The following SELENOI variants were observed in gnomAD, a reference collection of about 807,000 sequenced individuals.
SELENOI encodes ethanolaminephosphotransferase 1.
A neutral mutation model predicts 50.7 loss-of-function variants in SELENOI; 24 were observed. The ratio of observed to expected loss-of-function variants is 0.47; its 90% confidence interval spans 0.34 to 0.67. SELENOI has a LOEUF of 0.67. SELENOI is among the 30% of genes least tolerant of loss of function. SELENOI has a pLI of 0.01. For missense variants in SELENOI, 352 were observed against 461.4 expected (o/e 0.76, Z 2.17); for synonymous variants, 155 against 170.2 (o/e 0.91, Z 0.70).
chr2:26,393,083 C>A lies in SELENOI; in HGVS notation c.*3980C>A, dbSNP rs1039525874. The A allele has an allele frequency of 4.6e-5, 7 of 152,560 alleles. No individual in the cohort carries two copies. Among genetic ancestry groups the A allele is most frequent in the African/African-American group, 1.7e-4 (7 of 41,436 alleles). The allele number at this position is 152,560 out of a possible 1,614,324, so 9.5% of individuals were successfully genotyped here. A position where few individuals can be genotyped will look rare whatever the true frequency, so the allele number is the denominator to read the frequency against. On this transcript the variant is annotated 3_prime_UTR_variant, in exon 10 of 10. Coordinates refer to ENST00000260585, the MANE Select transcript of SELENOI (RefSeq NM_033505.4). ...AAGCTTAAGTAAATTTCTGATTTTCCTTTATTGATTATGTAACCCACGTGA... is the reference window on the plus strand; with the variant it reads ...AAGCTTAAGTAAATTTCTGATTTTCATTTATTGATTATGTAACCCACGTGA...
chr2:26,372,436 C>T (rs1026165007), intron 4 of SELENOI, among the ~76,000 whole-genome samples: 10 of 152,200 alleles, frequency 6.6e-5, no homozygotes, highest in Non-Finnish European at 8.8e-5. Flanking sequence ...TGTAAATTCT[C>T]TGAGGGCACA....
chr2:26,383,611 G>T (rs1276542393), intron 7 of SELENOI, among the ~76,000 whole-genome samples: 1 of 152,162 alleles, frequency 6.6e-6, no homozygotes, highest in Non-Finnish European at 1.5e-5. Context: ...AGGCGCGGTG[G>T]CTCACACCTG....
rs2147968781 is a variant in SELENOI, at chr2:26,395,876, A to G, written c.*6773A>G. The G allele has an allele frequency of 6.5e-6, 1 of 152,744 alleles. No individual in the cohort carries two copies. Among genetic ancestry groups the G allele is most frequent in the South Asian group, 2.1e-4 (1 of 4,830 alleles). 9.5% of individuals were successfully genotyped at this position (152,744 alleles called of 1,614,324 possible). ...ATAAAAGTAAAAGAGTAATTTTTAA[A>G]TCCTTTTAATTGTTTTCAGATTGTC... On this transcript the variant is annotated 3_prime_UTR_variant, in exon 10 of 10. Transcript: ENST00000260585.
chr2:26,393,372 G>A lies in SELENOI; in HGVS notation c.*4269G>A, dbSNP rs1678012627. The stretch of plus-strand genomic sequence containing the variant: ...TTAGTAAACAAATATGCAATAGATA[G>A]TAATCTATCTACTTTTTTTAAAGCA... On this transcript the variant is annotated 3_prime_UTR_variant, in exon 10 of 10. Coordinates refer to ENST00000260585, the MANE Select transcript of SELENOI (RefSeq NM_033505.4). 6.6e-6 allele frequency: 1 copy of A among 152,610 alleles called. No homozygotes were observed. The highest frequency in any genetic ancestry group is 2.1e-4 in the South Asian group (1 of 4,830). The allele number at this position is 152,610 out of a possible 1,614,324, so 9.5% of individuals were successfully genotyped here.
chr2:26,383,164 G>A (rs965840171), intron 6 of SELENOI, 135 bp from the exon 7 acceptor site: 4 of 539,790 alleles, frequency 7.4e-6, no homozygotes, highest in East Asian at 3.3e-5. Flanking sequence ...GTTTATAAAT[G>A]TATTTAATTT....
Position 26,385,079 on chromosome 2 carries a change from T to C in SELENOI, c.852T>C (p.Ile284=). The change falls in exon 8 of 10, where the codon ATT becomes ATC. Residue 284 remains isoleucine (I), a synonymous_variant. Transcript: ENST00000260585. Reference sequence around the variant, plus strand: ...GGATCCTTTGGTCACCTTCAGATATTTTAGAGCTACATCCTAGAGTATTCT... The same window carrying C: ...GGATCCTTTGGTCACCTTCAGATATCTTAGAGCTACATCCTAGAGTATTCT... ...TAWILWSPSD[I]LELHPRVFYF... The C allele has an allele frequency of 6.2e-7, 1 of 1,612,808 alleles. No individual in the cohort carries two copies. Among genetic ancestry groups the C allele is most frequent in the Non-Finnish European group, 8.5e-7 (1 of 1,179,304 alleles).
chr2:26,371,884 G>GGGGAGA lies in SELENOI; in HGVS notation c.311-1459_311-1454dup, dbSNP rs777717594. 1.6e-3 allele frequency among the ~76,000 whole-genome samples: 235 copies of GGGGAGA among 150,952 alleles called. 3 individuals are homozygous for GGGGAGA. The highest frequency in any genetic ancestry group is 4.0e-3 in the Admixed American group (61 of 15,232). On this transcript the variant is annotated intron_variant, in intron 4 of 9. Transcript: ENST00000260585. ...GAAACCATGGGGAGAGGGAGACCATGGGGAGAGGGAGAGGGAGAGGGAGAG... is the reference window on the plus strand; with the variant it reads ...GAAACCATGGGGAGAGGGAGACCATGGGGAGAGGGAGAGGGAGAGGGAGAGGGAGAG...
At chr2:26,349,875 A>T (rs1676917063) in intron 1 of SELENOI, among the ~76,000 whole-genome samples, 1 of 126,792 alleles carries the variant, frequency 7.9e-6, no homozygotes, top group South Asian at 2.6e-4. Flanking sequence ...CCGGAGGCTG[A>T]GGTGGGAGGA....
At chr2:26,380,014 G>A (rs542213171) in intron 6 of SELENOI, among the ~76,000 whole-genome samples, 80 of 152,270 alleles carry the variant, frequency 5.3e-4, no homozygotes, top group African/African-American at 1.8e-3. Flanking sequence ...ATCCCACTAG[G>A]TGTGTCCCGT....
intron 9 of SELENOI, among the ~76,000 whole-genome samples, chr2:26,387,662 C>G (rs1677874301): frequency 7.1e-6 from 1 of 141,618 alleles, no homozygotes; most frequent in South Asian, 2.2e-4. Flanking sequence ...TGCCACTGTG[C>G]TCCAGCCTGA....
Position 26,390,670 on chromosome 2 carries a change from A to G in SELENOI, c.*1567A>G, listed in dbSNP as rs996089245. 6.6e-6 allele frequency: 1 copy of G among 152,244 alleles called. No homozygotes were observed. Among genetic ancestry groups the G allele is most frequent in the African/African-American group, 2.4e-5 (1 of 41,448 alleles). 9.4% of individuals were successfully genotyped at this position (152,244 alleles called of 1,614,324 possible). On this transcript the variant is annotated 3_prime_UTR_variant, in exon 10 of 10. Coordinates refer to ENST00000260585, the MANE Select transcript of SELENOI (RefSeq NM_033505.4). The stretch of plus-strand genomic sequence containing the variant: ...TTCTATACTCATTTTAAGAAATTGT[A>G]AAGGTTGAGGTGTATTTGGTGACTT...
intron 4 of SELENOI, among the ~76,000 whole-genome samples, chr2:26,368,874 T>C (rs978812050): frequency 1.3e-5 from 2 of 152,210 alleles, no homozygotes; most frequent in Non-Finnish European, 2.9e-5. Flanking sequence ...GGGCAAAAAC[T>C]TTCCCAACCC....
At chr2:26,365,264 T>C (rs1024635346) in intron 3 of SELENOI, among the ~76,000 whole-genome samples, 2 of 152,244 alleles carry the variant, frequency 1.3e-5, no homozygotes, top group African/African-American at 2.4e-5. Flanking sequence ...CCCTTTCTTC[T>C]GAAGGACATG....
chr2:26,350,422 G>A (rs1356990882), intron 1 of SELENOI, among the ~76,000 whole-genome samples: 5 of 151,634 alleles, frequency 3.3e-5, no homozygotes, highest in African/African-American at 1.2e-4. Flanking sequence ...GCAGTGGTGC[G>A]ATCATAGCTT....
intron 1 of SELENOI, among the ~76,000 whole-genome samples, chr2:26,355,137 T>G (rs1461188790): frequency 6.6e-6 from 1 of 152,210 alleles, no homozygotes; most frequent in Admixed American, 6.5e-5. Flanking sequence ...GTATAAGTGC[T>G]GAGTAAATAA....
Position 26,392,769 on chromosome 2 carries a change from C to A in SELENOI, c.*3666C>A, listed in dbSNP as rs1677999198. 6.6e-6 allele frequency: 1 copy of A among 152,220 alleles called. No homozygotes were observed. Among genetic ancestry groups the A allele is most frequent in the Non-Finnish European group, 1.5e-5 (1 of 68,032 alleles). The allele number at this position is 152,220 out of a possible 1,614,324, so 9.4% of individuals were successfully genotyped here. A position where few individuals can be genotyped will look rare whatever the true frequency, so the allele number is the denominator to read the frequency against. On this transcript the variant is annotated 3_prime_UTR_variant, in exon 10 of 10. Coordinates refer to ENST00000260585, the MANE Select transcript of SELENOI (RefSeq NM_033505.4). Reference sequence around the variant, plus strand: ...ATGCCTGTGTTCAGAGTGGCCTTATCTTGACCTCAGTTCTGGATTTAAGTA... The same window carrying A: ...ATGCCTGTGTTCAGAGTGGCCTTATATTGACCTCAGTTCTGGATTTAAGTA...
At chr2:26,379,878 TACTC>T (rs147663912) in intron 6 of SELENOI, among the ~76,000 whole-genome samples, 124 of 152,330 alleles carry the variant, frequency 8.1e-4, no homozygotes, top group African/African-American at 3.0e-3. Context: ...TGACACAGAA[TACTC>T]ATTTGCTTTA....
chr2:26,351,824 T>A (rs1436107537), intron 1 of SELENOI, among the ~76,000 whole-genome samples: 1 of 152,160 alleles, frequency 6.6e-6, no homozygotes, highest in East Asian at 1.9e-4. Context: ...ACAGATTGGA[T>A]AGATTGCGGT....
chr2:26,359,747 T>G (rs1387298858), intron 1 of SELENOI, among the ~76,000 whole-genome samples: 1 of 152,204 alleles, frequency 6.6e-6, no homozygotes, highest in African/African-American at 2.4e-5. Context: ...AAAAATTGTT[T>G]TAACTTTGAA....
Sources: gnomAD v4.1 joint callset for allele counts (sites outside exome capture counted in the v4.1 genomes callset) on GRCh38, gnomAD v4.1.1 for gene constraint, MANE v1.5 for transcripts, NCBI Gene and HGNC (gene_info 2026-07-23, HGNC 2026-07-21) for gene names.